MIGA1: variants seen among roughly 807,000 people sequenced by gnomAD.
The protein encoded by MIGA1 is family with sequence similarity 73, member A.
A neutral mutation model predicts 82.0 loss-of-function variants in MIGA1; 58 were observed. The ratio of observed to expected loss-of-function variants is 0.71; its 90% CI spans 0.57 to 0.88. The LOEUF (loss-of-function observed/expected upper bound fraction) is 0.88, where lower values mean the gene tolerates loss of function less well. MIGA1 is among the 40% of genes least tolerant of loss of function. MIGA1 has a pLI of 0.00. For missense variants in MIGA1, 751 were observed against 749.1 expected (o/e 1.00, Z -0.03); for synonymous variants, 249 against 253.6 (o/e 0.98, Z 0.17).
In MIGA1 at chr1:77,815,157, G is replaced by C. The variant is rs1183501985; in HGVS notation, c.821G>C (p.Arg274Thr). Residue 274 changes from arginine to threonine, a missense_variant, in exon 7 of 16, where the codon AGA becomes ACA. Arg to Thr is a moderately conservative substitution (Grantham distance 71). This residue lies in a region of MIGA1 where 482 missense variants were observed against 439.4 expected (regional missense o/e 1.10). Coordinates refer to ENST00000370791, the MANE Select transcript of MIGA1 (RefSeq NM_198549.4). Reference sequence around the variant, plus strand: ...CATAAACTCGAAGCTCTGCTGCAAAGAGCCTATCGTCTCCAAGAGGAGTTT... The same window carrying C: ...CATAAACTCGAAGCTCTGCTGCAAACAGCCTATCGTCTCCAAGAGGAGTTT... 6.2e-7 allele frequency: 1 copy of C among 1,607,988 alleles called. No individual in the cohort carries two copies. The highest frequency in any genetic ancestry group is 1.7e-5 in the Admixed American group (1 of 59,742).
At chr1:77,823,914 C>A (rs1485358031) in intron 7 of MIGA1, among the ~76,000 whole-genome samples, 1 of 152,144 alleles carries the variant, frequency 6.6e-6, no homozygotes, top group Non-Finnish European at 1.5e-5. Context: ...TATTAACTAT[C>A]CTTTGTGAAT....
intron 4 of MIGA1, among the ~76,000 whole-genome samples, chr1:77,804,182 G>A (rs1298644587): frequency 6.6e-6 from 1 of 152,126 alleles, no homozygotes; most frequent in Admixed American, 6.5e-5. Flanking sequence ...AGCCTACATA[G>A]GTGAAAGTAT....
chr1:77,849,322 A>G (rs1684960449), intron 8 of MIGA1, among the ~76,000 whole-genome samples: 1 of 152,120 alleles, frequency 6.6e-6, no homozygotes, highest in Admixed American at 6.6e-5. Flanking sequence ...ACCTGAGCCT[A>G]GGAATTTGAT....
chr1:77,784,891 C>G lies in MIGA1; in HGVS notation c.195+1540C>G, dbSNP rs560536369. ...AAAAAACTCCCATTTTTGAAACTGT[C>G]AGATATTGTGACACTTACTCATTAT... On this transcript the variant is annotated intron_variant, in intron 2 of 15. Transcript: ENST00000370791. 9.9e-5 allele frequency among the ~76,000 whole-genome samples: 15 copies of G among 152,276 alleles called. No individual in the cohort carries two copies. The East Asian group carries it at 2.9e-3, about 29-fold the overall frequency.
At chr1:77,830,940 G>A (rs972126061) in intron 7 of MIGA1, among the ~76,000 whole-genome samples, 1 of 152,164 alleles carries the variant, frequency 6.6e-6, no homozygotes, top group Non-Finnish European at 1.5e-5. Context: ...TTGTAGTCTG[G>A]TGGGGTAACT....
chr1:77,794,884 A>G (rs1682586235), intron 2 of MIGA1, among the ~76,000 whole-genome samples: 1 of 152,110 alleles, frequency 6.6e-6, no homozygotes, highest in Admixed American at 6.6e-5. Context: ...CTCCTTTGTA[A>G]ATAAGAAGTT....
At chr1:77,809,582 CA>C (rs903354533) in intron 5 of MIGA1, among the ~76,000 whole-genome samples, 12 of 150,144 alleles carry the variant, frequency 8.0e-5, no homozygotes, top group African/African-American at 2.4e-4. Flanking sequence ...AAAAAGAGAC[CA>C]AAAAAAACTA....
At chr1:77,851,615 A>G (rs951766282) in intron 8 of MIGA1, among the ~76,000 whole-genome samples, 3 of 152,192 alleles carry the variant, frequency 2.0e-5, no homozygotes, top group Admixed American at 6.5e-5. Context: ...ATTTAAATAA[A>G]TGTTTCTAAG....
At chr1:77,824,983 CTTTTTTTTTTTT>C (rs11375207) in intron 7 of MIGA1, among the ~76,000 whole-genome samples, 4 of 103,146 alleles carry the variant, frequency 3.9e-5, no homozygotes, top group Admixed American at 1.3e-4. Context: ...TTCTATTCCT[CTTTTTTTTTTTT>C]TTTTTTTTTT....
At chr1:77,860,253 A>T (rs1332071875) in intron 11 of MIGA1, 127 bp downstream of exon 11, 2 of 620,672 alleles carry the variant, frequency 3.2e-6, no homozygotes, top group Admixed American at 6.0e-5. Flanking sequence ...AAGGGCATTA[A>T]GTTATGCTCG....
At chr1:77,867,259 CT>C (rs1317097505) in intron 14 of MIGA1, among the ~76,000 whole-genome samples, 1 of 152,172 alleles carries the variant, frequency 6.6e-6, no homozygotes, top group African/African-American at 2.4e-5. Context: ...AGGCAAGTTG[CT>C]TACCCTCTCT....
chr1:77,814,680 G>A (rs1405884689), intron 6 of MIGA1, among the ~76,000 whole-genome samples: 4 of 152,122 alleles, frequency 2.6e-5, no homozygotes, highest in Non-Finnish European at 5.9e-5. Flanking sequence ...TTAAGCTAGT[G>A]GTTCTCAAAC....
intron 12 of MIGA1, among the ~76,000 whole-genome samples, chr1:77,862,402 G>A (rs969242225): frequency 5.3e-5 from 8 of 150,110 alleles, no homozygotes; most frequent in African/African-American, 1.2e-4. Flanking sequence ...AGTCAAGATC[G>A]CGCCACTGTA....
chr1:77,809,518 T>C (rs1225700695), intron 5 of MIGA1, among the ~76,000 whole-genome samples: 4 of 152,044 alleles, frequency 2.6e-5, no homozygotes, highest in Non-Finnish European at 5.9e-5. Context: ...GAGGATCCCT[T>C]GAGCACAGAA....
intron 7 of MIGA1, among the ~76,000 whole-genome samples, chr1:77,820,329 C>T (rs561613004): frequency 4.6e-5 from 7 of 152,186 alleles, no homozygotes; most frequent in Admixed American, 1.3e-4. Flanking sequence ...GTTACTCTGA[C>T]GGATTATCCT....
At chr1:77,785,759 C>T (rs774486931) in intron 2 of MIGA1, among the ~76,000 whole-genome samples, 3 of 152,204 alleles carry the variant, frequency 2.0e-5, no homozygotes, top group Non-Finnish European at 2.9e-5. Context: ...GCCCTTGTGG[C>T]TTTGCAGGGT....
At chr1:77,805,171 T>G (rs573478060) in intron 4 of MIGA1, among the ~76,000 whole-genome samples, 4 of 151,596 alleles carry the variant, frequency 2.6e-5, no homozygotes, top group African/African-American at 9.7e-5. Flanking sequence ...ATTTTTTGTA[T>G]TTTTTAGTAG....
chr1:77,860,651 A>G (rs1214766176), intron 11 of MIGA1: 1 of 152,970 alleles, frequency 6.5e-6, no homozygotes, highest in Admixed American at 6.5e-5. Context: ...TTCAGACTCA[A>G]TCCCTTTGAA....
Position 77,878,547 on chromosome 1 carries a change from C to T in MIGA1, c.*3483C>T. ...TTAAACACTTAATCATGGAATTGCC[C>T]TTGCCACCATGAGCTCTACCATCCA... On this transcript the variant is annotated 3_prime_UTR_variant, in exon 16 of 16. Transcript: ENST00000370791. 1 of 267,792 alleles carries T rather than the reference C, an allele frequency of 3.7e-6. No homozygotes were observed. The highest frequency in any genetic ancestry group is 6.9e-6 in the Non-Finnish European group (1 of 144,236). The allele number at this position is 267,792 out of a possible 1,614,324, so 16.6% of individuals were successfully genotyped here.
Sources: gnomAD v4.1 joint callset for allele counts (sites outside exome capture counted in the v4.1 genomes callset) on GRCh38, gnomAD v4.1.1 for gene constraint, gnomAD v4.1.1 regional missense constraint, MANE v1.5 for transcripts, NCBI Gene and HGNC (gene_info 2026-07-23, HGNC 2026-07-21) for gene names.